The following NLGN4Y variants were observed in gnomAD, a reference collection of about 807,000 sequenced individuals.
NLGN4Y encodes the protein neuroligin-4, Y-linked.
A neutral mutation model predicts 8.4 loss-of-function variants in NLGN4Y; 4 were observed. The observed-to-expected ratio is 0.48, with a 90% CI of 0.23 to 1.09. The LOEUF is 1.09. NLGN4Y is among the 50% of genes least tolerant of loss of function. The pLI is 0.19. For missense variants in NLGN4Y, 90 were observed against 192.3 expected (o/e 0.47, Z 3.15); for synonymous variants, 35 against 75.6 (o/e 0.46, Z 2.78).
intron 2 of NLGN4Y, among the ~76,000 whole-genome samples, chrY:14,707,003 G>GAA (rs2080881774): frequency 5.6e-5 from 1 of 17,705 alleles, no homozygotes; most frequent in South Asian, 1.4e-3. Flanking sequence ...ACACATATGT[G>GAA]TATATATATA....
intron 2 of NLGN4Y, among the ~76,000 whole-genome samples, chrY:14,706,227 T>A: frequency 6.1e-5 from 2 of 32,736 alleles, no homozygotes; most frequent in Admixed American, 5.8e-4. Context: ...AAGAGAATAC[T>A]TCATGAGAAA....
chrY:14,675,111 T>G (rs2080743855), intron 2 of NLGN4Y, among the ~76,000 whole-genome samples: 2 of 33,405 alleles, frequency 6.0e-5, no homozygotes, highest in Non-Finnish European at 1.5e-4. Flanking sequence ...TATTTAAGAC[T>G]TCAGCTCCTT....
At chrY:14,545,802 A>G in intron 1 of NLGN4Y, among the ~76,000 whole-genome samples, 1 of 33,136 alleles carries the variant, frequency 3.0e-5, no homozygotes, top group African/African-American at 1.2e-4. Flanking sequence ...CCATTTGTCA[A>G]TTTTGGCTTT....
chrY:14,704,686 A>T lies in NLGN4Y; in HGVS notation c.473-14773A>T, dbSNP rs764111401. Reference sequence around the variant, plus strand: ...TGATGCTGGCCTCATAAAACGAGTTAGGGAGGATTCCCTCTTTTTCTATTG... The same window carrying T: ...TGATGCTGGCCTCATAAAACGAGTTTGGGAGGATTCCCTCTTTTTCTATTG... On this transcript the variant is annotated intron_variant, in intron 2 of 6. Transcript: ENST00000684976. 3.0e-4 allele frequency among the ~76,000 whole-genome samples: 10 copies of T among 33,230 alleles called. No individual in the cohort carries two copies. The East Asian group carries it at 8.1e-3, about 27-fold the overall frequency. The allele number at this position is 33,230 out of a possible 37,273, so 89.2% of individuals were successfully genotyped here.
At position 14,842,544 on chromosome Y, in the gene NLGN4Y, G is replaced by A. The variant is rs1202188224; in HGVS notation, c.*1282G>A. 8.2e-6 allele frequency: 1 copy of A among 122,051 alleles called. No individual in the cohort carries two copies. Among genetic ancestry groups the A allele is most frequent in the Admixed American group, 1.0e-4 (1 of 9,909 alleles). The allele number at this position is 122,051 out of a possible 400,897, so 30.4% of individuals were successfully genotyped here. A position where few individuals can be genotyped will look rare whatever the true frequency, so the allele number is the denominator to read the frequency against. Reference sequence around the variant, plus strand: ...AGCTAATCAGATTAAAGGAAGACATGTATGTCTTTTGTTTAAGCACCTAGT... The same window carrying A: ...AGCTAATCAGATTAAAGGAAGACATATATGTCTTTTGTTTAAGCACCTAGT... On this transcript the variant is annotated 3_prime_UTR_variant, in exon 7 of 7. Coordinates refer to ENST00000684976, the MANE Select transcript of NLGN4Y (RefSeq NM_001365588.1).
chrY:14,557,942 G>A, intron 1 of NLGN4Y, among the ~76,000 whole-genome samples: 1 of 32,559 alleles, frequency 3.1e-5, no homozygotes, highest in African/African-American at 1.2e-4. Flanking sequence ...GGAAATTGGG[G>A]GGTAAATGTA....
intron 2 of NLGN4Y, among the ~76,000 whole-genome samples, chrY:14,669,340 TTTACTTTCTTAAATCTGA>T (rs2080702740): frequency 3.0e-5 from 1 of 33,530 alleles, no homozygotes; most frequent in South Asian, 6.6e-4. Flanking sequence ...ACCTTGAAAT[TTTACTTTCTTAAATCTGA>T]TTACTTTCTT....
At chrY:14,558,307 T>TGG (rs2080216345) in intron 1 of NLGN4Y, among the ~76,000 whole-genome samples, 1 of 33,843 alleles carries the variant, frequency 3.0e-5, no homozygotes, top group Admixed American at 2.7e-4. Context: ...CTCTCAGTTA[T>TGG]GGTTTTTGTC....
At chrY:14,812,831 A>T (rs2043087310) in intron 4 of NLGN4Y, among the ~76,000 whole-genome samples, 1 of 32,959 alleles carries the variant, frequency 3.0e-5, no homozygotes, top group Non-Finnish European at 7.5e-5. Flanking sequence ...GTGTCTGAAA[A>T]CTTTTGAGAA....
chrY:14,579,817 G>T, intron 1 of NLGN4Y, among the ~76,000 whole-genome samples: 1 of 32,303 alleles, frequency 3.1e-5, no homozygotes, highest in Non-Finnish European at 7.5e-5. Context: ...AGAAAAAATA[G>T]CATGAACTAT....
chrY:14,705,347 C>A (rs2080873119), intron 2 of NLGN4Y, among the ~76,000 whole-genome samples: 20 of 33,017 alleles, frequency 6.1e-4, no homozygotes. Flanking sequence ...GACAAAAATT[C>A]CTCAAAACCA....
intron 4 of NLGN4Y, among the ~76,000 whole-genome samples, chrY:14,780,099 A>C: frequency 3.1e-5 from 1 of 32,600 alleles, no homozygotes; most frequent in Non-Finnish European, 7.5e-5. Context: ...ATCACATCTC[A>C]ACTCCTCTTC....
intron 4 of NLGN4Y, among the ~76,000 whole-genome samples, chrY:14,746,830 G>T (rs2081025648): frequency 3.1e-5 from 1 of 31,878 alleles, no homozygotes; most frequent in Non-Finnish European, 7.6e-5. Flanking sequence ...GCTTTTAATG[G>T]GGTATACATT....
At chrY:14,611,595 T>TTTA (rs2080469817) in intron 1 of NLGN4Y, among the ~76,000 whole-genome samples, 1 of 28,890 alleles carries the variant, frequency 3.5e-5, no homozygotes, top group Non-Finnish European at 8.1e-5. Flanking sequence ...TTATTTATTT[T>TTTA]AAGAATGGTG....
intron 4 of NLGN4Y, among the ~76,000 whole-genome samples, chrY:14,764,907 A>G: frequency 2.9e-5 from 1 of 34,418 alleles, no homozygotes; most frequent in Non-Finnish European, 7.3e-5. Context: ...AAGACAGTAC[A>G]GGAAAACTAC....
chrY:14,730,987 ATGTGTGTGTGTGTG>A (rs1248863150), intron 4 of NLGN4Y, among the ~76,000 whole-genome samples: 2 of 15,739 alleles, frequency 1.3e-4, no homozygotes, highest in Non-Finnish European at 2.7e-4. Flanking sequence ...GAACCAAATT[ATGTGTGTGTGTGTG>A]TGTGTGTGTG....
At chrY:14,797,301 T>C in intron 4 of NLGN4Y, among the ~76,000 whole-genome samples, 1 of 29,719 alleles carries the variant, frequency 3.4e-5, no homozygotes, top group Non-Finnish European at 8.1e-5. Flanking sequence ...TTCTTTTCTT[T>C]TTTTTTTTTT....
intron 1 of NLGN4Y, among the ~76,000 whole-genome samples, chrY:14,554,674 TA>T (rs2080205767): frequency 2.9e-5 from 1 of 33,907 alleles, no homozygotes; most frequent in Admixed American, 2.7e-4. Context: ...CATTTCTCAC[TA>T]GAATAGTCAT....
In NLGN4Y at chrY:14,756,751, G is replaced by GTA. The variant is rs2081059508; in HGVS notation, c.685+33494_685+33495dup. On this transcript the variant is annotated intron_variant, in intron 4 of 6. Transcript: ENST00000684976. ...CAACAGCAAGACTCTGTCTCTCTCT[G>GTA]TATATATATATATTAAATATATATT... 1.7e-4 allele frequency among the ~76,000 whole-genome samples: 4 copies of GTA among 23,306 alleles called. No individual in the cohort carries two copies. In the South Asian group the frequency reaches 2.9e-3, roughly 17 times the overall value. The allele number at this position is 23,306 out of a possible 37,273, so 62.5% of individuals were successfully genotyped here.
Sources: gnomAD v4.1 joint callset for allele counts (sites outside exome capture counted in the v4.1 genomes callset) on GRCh38, gnomAD v4.1.1 for gene constraint, MANE v1.5 for transcripts, NCBI Gene and HGNC (gene_info 2026-07-23, HGNC 2026-07-21) for gene names.